XKR6: variants seen among roughly 807,000 people sequenced by gnomAD.
XKR6 encodes the protein XK related 6, also known as XK-related protein 6.
Under a neutral mutation model 56.7 loss-of-function variants are expected in XKR6, and 22 were observed. The observed-to-expected ratio is 0.39, with a 90% CI of 0.28 to 0.55. XKR6 has a LOEUF of 0.55. Ranked by LOEUF, XKR6 falls within the 20% of genes least tolerant of loss-of-function variation. The pLI, the probability that XKR6 is intolerant of heterozygous loss-of-function variation, is 0.66. For synonymous variants in XKR6, 524 were observed against 387.8 expected, an observed-to-expected ratio of 1.35 and a Z score of -4.13; for missense variants, 852 against 889.0, an observed-to-expected ratio of 0.96 and a Z score of 0.53.
At chr8:10,919,577 G>C (rs1299524826) in intron 2 of XKR6, among the ~76,000 whole-genome samples, 1 of 152,198 alleles carries the variant, frequency 6.6e-6, no homozygotes, top group Non-Finnish European at 1.5e-5. Flanking sequence ...TGCATGTGGA[G>C]CTCATTAGAC....
At chr8:10,964,861 A>G (rs1425183496) in intron 1 of XKR6, among the ~76,000 whole-genome samples, 1 of 152,222 alleles carries the variant, frequency 6.6e-6, no homozygotes, top group Non-Finnish European at 1.5e-5. Flanking sequence ...TTCCCCTGAC[A>G]TAGCCCACGT....
intron 1 of XKR6, among the ~76,000 whole-genome samples, chr8:11,037,579 G>A (rs1346596635): frequency 2.0e-5 from 3 of 152,240 alleles, no homozygotes; most frequent in African/African-American, 7.2e-5. Flanking sequence ...GATTGAATGG[G>A]CCGGGCGCAG....
chr8:11,156,014 C>A (rs768889440), intron 1 of XKR6, among the ~76,000 whole-genome samples: 89 of 152,342 alleles, frequency 5.8e-4, no homozygotes, highest in South Asian at 1.5e-3. Context: ...TCCTTCTCTA[C>A]TAGTGCTTTC....
At chr8:11,047,848 A>T (rs147642947) in intron 1 of XKR6, among the ~76,000 whole-genome samples, 10 of 152,360 alleles carry the variant, frequency 6.6e-5, no homozygotes, top group African/African-American at 2.4e-4. Flanking sequence ...ATCTCACTAC[A>T]TGATCCCAGG....
chr8:11,145,829 T>A (rs1239642310), intron 1 of XKR6, among the ~76,000 whole-genome samples: 4 of 152,176 alleles, frequency 2.6e-5, no homozygotes, highest in African/African-American at 9.7e-5. Flanking sequence ...ACTGTTTTTG[T>A]AGAAATTAAC....
chr8:10,959,307 A>T (rs1801992124), intron 1 of XKR6, among the ~76,000 whole-genome samples: 1 of 151,968 alleles, frequency 6.6e-6, no homozygotes, highest in Non-Finnish European at 1.5e-5. Context: ...GTTCTCTGTG[A>T]CCCACAGGTG....
intron 1 of XKR6, among the ~76,000 whole-genome samples, chr8:10,974,337 G>C (rs1802491838): frequency 6.6e-6 from 1 of 152,198 alleles, no homozygotes; most frequent in South Asian, 2.1e-4. Context: ...GAGCACCTTG[G>C]CCACAGTCAC....
chr8:10,977,779 C>G (rs1802610686), intron 1 of XKR6, among the ~76,000 whole-genome samples: 1 of 151,512 alleles, frequency 6.6e-6, no homozygotes. Flanking sequence ...ACCACTGTCA[C>G]AGGAGTAATA....
In XKR6 at chr8:11,039,578, C is replaced by T. The variant is rs554631503; in HGVS notation, c.765-114748G>A. ...CAAAGAACTTGGAACAGAGACAACA[C>T]GCGCTGGCCCCAACGTCCAGGGTGG... On this transcript the variant is annotated intron_variant, in intron 1 of 2. Transcript: ENST00000416569. Among the ~76,000 whole-genome samples, 13 of 152,362 alleles carry T rather than the reference C, an allele frequency of 8.5e-5. No individual in the cohort carries two copies. In the South Asian group the frequency reaches 1.7e-3, roughly 19 times the overall value.
At chr8:10,970,968 C>T (rs929688044) in intron 1 of XKR6, among the ~76,000 whole-genome samples, 2 of 151,818 alleles carry the variant, frequency 1.3e-5, no homozygotes, top group Admixed American at 1.3e-4. Context: ...AACATGTTTC[C>T]CTTTTTGTCT....
intron 1 of XKR6, among the ~76,000 whole-genome samples, chr8:11,042,441 C>A (rs1166884101): frequency 6.6e-6 from 1 of 152,020 alleles, no homozygotes; most frequent in Non-Finnish European, 1.5e-5. Flanking sequence ...CTCATGAGAT[C>A]TGATGGTTTT....
At chr8:10,906,121 T>C (rs560090895) in intron 2 of XKR6, among the ~76,000 whole-genome samples, 1 of 152,362 alleles carries the variant, frequency 6.6e-6, no homozygotes, top group South Asian at 2.1e-4. Flanking sequence ...AATCTGGATC[T>C]GCATGTGCTG....
At chr8:11,012,280 G>A (rs887377647) in intron 1 of XKR6, among the ~76,000 whole-genome samples, 5 of 152,200 alleles carry the variant, frequency 3.3e-5, no homozygotes, top group African/African-American at 1.2e-4. Context: ...CAGCTGCTAG[G>A]GAACTGCTAT....
chr8:11,111,951 G>T (rs1798917207), intron 1 of XKR6: 1 of 151,954 alleles, frequency 6.6e-6, no homozygotes, highest in African/African-American at 2.4e-5. Context: ...TCTTAGAAAT[G>T]GTCAATAATT....
At chr8:11,068,609 G>C (rs896474575) in intron 1 of XKR6, among the ~76,000 whole-genome samples, 9 of 152,188 alleles carry the variant, frequency 5.9e-5, no homozygotes, top group Admixed American at 6.5e-5. Context: ...ATCTCGGCAG[G>C]TCCTGGTGCC....
intron 2 of XKR6, among the ~76,000 whole-genome samples, chr8:10,902,938 C>T (rs555763549): frequency 1.3e-5 from 2 of 152,310 alleles, no homozygotes; most frequent in East Asian, 3.9e-4. Flanking sequence ...ATCCAAGGCT[C>T]TGGGCACATT....
At chr8:11,124,452 C>T (rs1586579483) in intron 1 of XKR6, 1 of 164,240 alleles carries the variant, frequency 6.1e-6, no homozygotes, top group East Asian at 1.7e-4. Context: ...AAGTCACAAG[C>T]AGAAGCTGAA....
At chr8:11,071,012 G>A (rs765227472) in intron 1 of XKR6, among the ~76,000 whole-genome samples, 3 of 152,200 alleles carry the variant, frequency 2.0e-5, no homozygotes, top group Non-Finnish European at 2.9e-5. Flanking sequence ...CAGTGGGTAC[G>A]GCTGTGGTGA....
intron 1 of XKR6, among the ~76,000 whole-genome samples, chr8:11,009,434 C>T (rs545511425): frequency 2.6e-5 from 4 of 152,220 alleles, no homozygotes; most frequent in African/African-American, 4.8e-5. Flanking sequence ...TCACCTGAGC[C>T]TGGGGAAGTT....
Sources: gnomAD v4.1 joint callset for allele counts (sites outside exome capture counted in the v4.1 genomes callset) on GRCh38, gnomAD v4.1.1 for gene constraint, MANE v1.5 for transcripts, NCBI Gene and HGNC (gene_info 2026-07-23, HGNC 2026-07-21) for gene names.